The following FNBP1 variants were observed in gnomAD, a reference collection of about 807,000 sequenced individuals.
FNBP1 encodes formin-binding protein 1.
In FNBP1, 26 loss-of-function variants were observed where a neutral mutation model predicts 90.6. The observed-to-expected ratio is 0.29, with a 90% confidence interval of 0.21 to 0.40. The LOEUF (loss-of-function observed/expected upper bound fraction) is 0.40, where lower values mean the gene tolerates loss of function less well. Ranked by LOEUF, FNBP1 falls within the 10% of genes least tolerant of loss-of-function variation. FNBP1 has a pLI of 1.00. For missense variants in FNBP1, 635 were observed against 768.0 expected (o/e 0.83, Z 2.05); for synonymous variants, 260 against 265.2 (o/e 0.98, Z 0.19).
At chr9:129,975,410 T>A (rs187084660) in intron 4 of FNBP1, among the ~76,000 whole-genome samples, 28 of 152,302 alleles carry the variant, frequency 1.8e-4, no homozygotes, top group African/African-American at 6.3e-4. Flanking sequence ...GTACTTGCAG[T>A]TCTTCTTAAA....
chr9:129,893,145 G>A (rs1229201619), intron 16 of FNBP1, among the ~76,000 whole-genome samples: 1 of 152,042 alleles, frequency 6.6e-6, no homozygotes, highest in East Asian at 1.9e-4. Flanking sequence ...AATACCTTAG[G>A]TTTCCCATTC....
chr9:129,956,442 T>G (rs2132755235), intron 6 of FNBP1, among the ~76,000 whole-genome samples: 1 of 152,314 alleles, frequency 6.6e-6, no homozygotes, highest in South Asian at 2.1e-4. Flanking sequence ...TTTGTTTACA[T>G]TGTATTGATG....
chr9:129,927,162 AGTTATCAAT>A, intron 8 of FNBP1, 24 bp downstream of exon 8: 1 of 1,607,844 alleles, frequency 6.2e-7, no homozygotes, highest in Non-Finnish European at 8.5e-7. Context: ...ATCTGCAAAT[AGTTATCAAT>A]GAAGTCCAAA....
intron 2 of FNBP1, among the ~76,000 whole-genome samples, chr9:129,985,571 T>C (rs1254940506): frequency 6.6e-6 from 1 of 151,598 alleles, no homozygotes; most frequent in East Asian, 2.0e-4. Context: ...ATCTCAGCAG[T>C]TTGGGAGGCC....
rs756216536 is a variant in FNBP1, at chr9:129,931,082, T to C, written c.514-1387A>G. On this transcript the variant is annotated intron_variant, in intron 6 of 16. Coordinates refer to ENST00000446176, the MANE Select transcript of FNBP1 (RefSeq NM_015033.3). ...TCTATGGAAGGCTCGGGTGGGCAGA[T>C]TGCTTGAGCCCAGGAAACTGAGACC... 3.3e-5 allele frequency among the ~76,000 whole-genome samples: 5 copies of C among 152,176 alleles called. No homozygotes were observed. The East Asian group carries it at 5.8e-4, about 18-fold the overall frequency.
At chr9:130,049,974 T>G in the FNBP1 span, among the ~76,000 whole-genome samples, 1 of 152,240 alleles carries the variant, frequency 6.6e-6, no homozygotes, top group Non-Finnish European at 1.5e-5. Flanking sequence ...ATTCCTGGAT[T>G]CAAACCATCT....
chr9:129,958,636 C>T (rs2047308808), intron 4 of FNBP1, 83 bp from the exon 5 acceptor site: 2 of 931,738 alleles, frequency 2.1e-6, no homozygotes, highest in South Asian at 1.7e-5. Flanking sequence ...TCCACTTAAA[C>T]AACATCTAAA....
At chr9:130,027,929 T>TAA in intron 1 of FNBP1, among the ~76,000 whole-genome samples, 1 of 146,816 alleles carries the variant, frequency 6.8e-6, no homozygotes, top group East Asian at 2.0e-4. Flanking sequence ...CAGAAATCAT[T>TAA]AAAAAAAAAA....
intron 10 of FNBP1, among the ~76,000 whole-genome samples, chr9:129,920,594 C>T (rs2040933236): frequency 6.6e-6 from 1 of 152,142 alleles, no homozygotes; most frequent in Admixed American, 6.6e-5. Flanking sequence ...GCCACAACGC[C>T]CAGCTTATCT....
chr9:130,003,056 C>A (rs550880366), intron 1 of FNBP1, among the ~76,000 whole-genome samples: 134 of 152,056 alleles, frequency 8.8e-4, no homozygotes, highest in African/African-American at 3.2e-3. Context: ...GTTTTAGGTA[C>A]TATATTCTGA....
intron 6 of FNBP1, among the ~76,000 whole-genome samples, chr9:129,951,295 T>A (rs2046129152): frequency 6.6e-6 from 1 of 152,056 alleles, no homozygotes; most frequent in Non-Finnish European, 1.5e-5. Context: ...GGTTTCTGTA[T>A]GTTGCCCAGG....
intron 13 of FNBP1, 69 bp downstream of exon 13, chr9:129,902,800 C>T (rs1446954133): frequency 6.5e-7 from 1 of 1,541,566 alleles, no homozygotes; most frequent in Admixed American, 1.8e-5. Flanking sequence ...CAGGGCCCCA[C>T]ACCATTCTAC....
At position 129,896,013 on chromosome 9, in the gene FNBP1, AG is replaced by A. The variant is rs1564250458; in HGVS notation, c.1688-18del. 6.3e-7 allele frequency: 1 copy of A among 1,598,044 alleles called. No individual in the cohort carries two copies. Among genetic ancestry groups the A allele is most frequent in the Non-Finnish European group, 8.5e-7 (1 of 1,173,018 alleles). The stretch of plus-strand genomic sequence containing the variant: ...CATTCTGACCTGAAAAAGCAATATC[AG>A]GATATGTTAGATGTCTTGGCAAATG... On this transcript the variant is annotated intron_variant, in intron 15 of 16. Transcript: ENST00000446176.
chr9:129,914,603 T>C (rs925224450), intron 11 of FNBP1, among the ~76,000 whole-genome samples: 1 of 151,870 alleles, frequency 6.6e-6, no homozygotes, highest in Non-Finnish European at 1.5e-5. Context: ...CTTTCCTTCA[T>C]GTAGAGACCT....
chr9:130,027,707 T>A (rs770972160), intron 1 of FNBP1, among the ~76,000 whole-genome samples: 23 of 152,100 alleles, frequency 1.5e-4, no homozygotes, highest in Non-Finnish European at 3.2e-4. Flanking sequence ...GTTAGAATCA[T>A]CTGGAAGCCC....
intron 15 of FNBP1, among the ~76,000 whole-genome samples, chr9:129,898,364 C>T (rs111511946): frequency 4.3e-4 from 66 of 152,274 alleles, no homozygotes; most frequent in African/African-American, 1.4e-3. Flanking sequence ...GCTCCAGCCA[C>T]ACCACACCCA....
At chr9:129,906,827 T>C (rs1210089462) in intron 12 of FNBP1, among the ~76,000 whole-genome samples, 2 of 152,190 alleles carry the variant, frequency 1.3e-5, no homozygotes, top group Non-Finnish European at 2.9e-5. Context: ...GTTGCCAGGC[T>C]GGAGTGCAGC....
chr9:130,008,311 T>C (rs1190663923), intron 1 of FNBP1, among the ~76,000 whole-genome samples: 1 of 151,948 alleles, frequency 6.6e-6, no homozygotes, highest in Admixed American at 6.6e-5. Context: ...ATTGTGCCAT[T>C]GCACTCCAGC....
intron 1 of FNBP1, among the ~76,000 whole-genome samples, chr9:129,997,095 C>T (rs1342084934): frequency 2.0e-5 from 3 of 151,412 alleles, no homozygotes; most frequent in Admixed American, 2.0e-4. Flanking sequence ...GAAGCCAAGG[C>T]GGGTGGATCA....
Sources: allele counts gnomAD v4.1 joint callset (sites outside exome capture counted in the v4.1 genomes callset), GRCh38; gene constraint gnomAD v4.1.1; transcripts MANE v1.5; gene names NCBI Gene and HGNC (gene_info 2026-07-23, HGNC 2026-07-21).